Variants in RGS9 observed in about 807,000 individuals in gnomAD.
The protein encoded by RGS9 is regulator of G protein signaling 9, also known as regulator of G-protein signalling 9.
A neutral mutation model predicts 102.0 loss-of-function variants in RGS9; 78 were observed. That is an observed-to-expected ratio of 0.76 (90% CI 0.64 to 0.92). RGS9 has a LOEUF of 0.92. Among genes scored for constraint, RGS9 ranks in the 40% least tolerant of loss-of-function variants. The pLI is 0.00. For missense variants in RGS9, 833 were observed against 866.1 expected (o/e 0.96, Z 0.48); for synonymous variants, 353 against 318.6 (o/e 1.11, Z -1.15).
Position 65,199,421 on chromosome 17 carries a change from C to T in RGS9, c.976+2180C>T, listed in dbSNP as rs565168709. On this transcript the variant is annotated intron_variant, in intron 13 of 18. Transcript: ENST00000262406. Reference sequence around the variant, plus strand: ...AATCATGCAATATGTGACCTTTTGTCTTTTTTCACTTAGCATAATGTTTTC... The same window carrying T: ...AATCATGCAATATGTGACCTTTTGTTTTTTTTCACTTAGCATAATGTTTTC... 1.6e-4 allele frequency among the ~76,000 whole-genome samples: 24 copies of T among 146,866 alleles called. No homozygotes were observed. The South Asian group carries it at 3.7e-3, about 23-fold the overall frequency.
In RGS9 at chr17:65,224,865, G is replaced by T. The variant is rs1440234022; in HGVS notation, c.1408-137G>T. 2.5e-6 allele frequency: 3 copies of T among 1,199,712 alleles called. No individual in the cohort carries two copies. In the East Asian group the frequency reaches 7.0e-5, roughly 28 times the overall value. The allele number at this position is 1,199,712 out of a possible 1,614,324, so 74.3% of individuals were successfully genotyped here. On this transcript the variant is annotated intron_variant, in intron 17 of 18. Transcript: ENST00000262406. ...TAGGTAGCTTTGGACACCGTTCCCA[G>T]CTCCCTAGGAGGCAGCCATATCAGG... is the stretch of plus-strand genomic sequence containing the variant.
At chr17:65,162,805 A>T (rs1430137735) in intron 6 of RGS9, among the ~76,000 whole-genome samples, 1 of 152,152 alleles carries the variant, frequency 6.6e-6, no homozygotes, top group Non-Finnish European at 1.5e-5. Context: ...AAGAAAACCA[A>T]TAAAAGTGAG....
chr17:65,196,780 C>G (rs1936892363), intron 12 of RGS9, among the ~76,000 whole-genome samples: 1 of 152,208 alleles, frequency 6.6e-6, no homozygotes, highest in African/African-American at 2.4e-5. Flanking sequence ...CAGGTGGCAG[C>G]CTGACCCTCT....
At chr17:65,187,864 T>A (rs1035303727) in intron 9 of RGS9, among the ~76,000 whole-genome samples, 1 of 152,088 alleles carries the variant, frequency 6.6e-6, no homozygotes, top group African/African-American at 2.4e-5. Context: ...GGCGTGGTGG[T>A]GTGTGCCTGT....
chr17:65,204,229 G>A lies in RGS9; in HGVS notation c.1131G>A (p.Val377=). The change falls in exon 15 of 19, where the codon GTG becomes GTA. Residue 377 remains valine, a synonymous_variant. Coordinates refer to ENST00000262406, the MANE Select transcript of RGS9 (RefSeq NM_003835.4). ...NIDGKTMDIT[V]KGLKHPHRYV... ...ATGGCAAAACCATGGACATCACAGTGAAGGGGCTGAAGCACCCCCACCGCT... is the reference window on the plus strand; with the variant it reads ...ATGGCAAAACCATGGACATCACAGTAAAGGGGCTGAAGCACCCCCACCGCT... 1 of 1,613,492 alleles carries A rather than the reference G, an allele frequency of 6.2e-7. No individual in the cohort carries two copies. Among genetic ancestry groups the A allele is most frequent in the Non-Finnish European group, 8.5e-7 (1 of 1,180,052 alleles).
intron 6 of RGS9, among the ~76,000 whole-genome samples, chr17:65,162,752 A>C (rs1221261087): frequency 2.0e-5 from 3 of 151,852 alleles, no homozygotes; most frequent in African/African-American, 4.8e-5. Flanking sequence ...TACAGGTGTG[A>C]GCCACCACGC....
At chr17:65,186,898 G>A (rs1162972939) in intron 9 of RGS9, among the ~76,000 whole-genome samples, 3 of 152,206 alleles carry the variant, frequency 2.0e-5, no homozygotes, top group Non-Finnish European at 4.4e-5. Context: ...GCATAAACCA[G>A]TAGATGCTAT....
In RGS9 at chr17:65,160,888, G is replaced by C. The variant is rs267605003; in HGVS notation, c.402G>C (p.Gly134=). ...YLAKRNIKKK[G]ILEEYEKENY... The stretch of plus-strand genomic sequence containing the variant: ...CCAAGCGAAATATCAAAAAGAAAGG[G>C]ATTTTGGAAGAATATGAAAAGGTAT... The change falls in exon 6 of 19, where the codon GGG becomes GGC. Residue 134 remains glycine, a synonymous_variant. Coordinates refer to ENST00000262406, the MANE Select transcript of RGS9 (RefSeq NM_003835.4). The C allele has an allele frequency of 6.2e-7, 1 of 1,613,652 alleles. No individual in the cohort carries two copies. The highest frequency in any genetic ancestry group is 8.5e-7 in the Non-Finnish European group (1 of 1,179,636).
In RGS9 at chr17:65,153,439, G is replaced by A; in HGVS notation, c.75G>A (p.Lys25=). 1 of 1,614,114 alleles carries A rather than the reference G, an allele frequency of 6.2e-7. No individual in the cohort carries two copies. The highest frequency in any genetic ancestry group is 2.2e-5 in the East Asian group (1 of 44,892). Residue 25 remains lysine, a synonymous_variant, in exon 2 of 19, where the codon AAG becomes AAA. Coordinates refer to ENST00000262406, the MANE Select transcript of RGS9 (RefSeq NM_003835.4). ...TCTTGCAGATTGAAGCGCTCGTGAA[G>A]GACATGCAGAACCCAGAGACAGGGG... The part of the protein sequence containing the change: ...AFLQKIEALV[K]DMQNPETGVR...
chr17:65,225,234 C>T lies in RGS9; in HGVS notation c.1640C>T (p.Ala547Val). Reference protein sequence around the residue: ...EQKGECSGSMAPRGPSVTESS... With the variant: ...EQKGECSGSMVPRGPSVTESS... Reference sequence around the variant, plus strand: ...AAAGGGGAGTGCAGCGGGTCCATGGCCCCCCGTGGGCCCTCTGTCACCGAG... The same window carrying T: ...AAAGGGGAGTGCAGCGGGTCCATGGTCCCCCGTGGGCCCTCTGTCACCGAG... Residue 547 changes from alanine (A) to valine (V), a missense_variant, in exon 18 of 19, where the codon GCC becomes GTC. By Grantham distance (64) the Ala-to-Val change is moderately conservative (BLOSUM62 0). Around this residue, in one of 3 missense-constraint regions of RGS9, gnomAD observed 320 missense variants for 276.8 expected, o/e 1.16. Transcript: ENST00000262406. 1.2e-6 allele frequency: 2 copies of T among 1,611,062 alleles called. No individual in the cohort carries two copies. Among genetic ancestry groups the T allele is most frequent in the Non-Finnish European group, 1.7e-6 (2 of 1,179,974 alleles).
intron 16 of RGS9, among the ~76,000 whole-genome samples, chr17:65,208,249 G>A (rs1365429406): frequency 6.6e-6 from 1 of 152,178 alleles, no homozygotes; most frequent in Non-Finnish European, 1.5e-5. Context: ...GCTTGAAAGA[G>A]TTTAGAGGAT....
chr17:65,176,741 AT>A (rs1911640186), intron 8 of RGS9, among the ~76,000 whole-genome samples: 5 of 147,690 alleles, frequency 3.4e-5, no homozygotes, highest in African/African-American at 1.3e-4. Flanking sequence ...CCATCCATCC[AT>A]CCATCCATCC....
rs79123911 is a variant in RGS9 at position 65,164,493 on chromosome 17, C to T, written c.500+1404C>T. Among the ~76,000 whole-genome samples the T allele has an allele frequency of 5.0e-3, 769 of 152,300 alleles. 14 individuals are homozygous for T. The highest frequency in any genetic ancestry group is 0.047 in the East Asian group (243 of 5,176). ...CGATGATCCCCCCAGTCCAGCCTCA[C>T]TCGCTGTGACAGTCCCAGATCCAGG... is the stretch of plus-strand genomic sequence containing the variant. On this transcript the variant is annotated intron_variant, in intron 7 of 18. Coordinates refer to ENST00000262406, the MANE Select transcript of RGS9 (RefSeq NM_003835.4).
At chr17:65,182,157 G>T (rs1170761181) in intron 9 of RGS9, among the ~76,000 whole-genome samples, 1 of 152,196 alleles carries the variant, frequency 6.6e-6, no homozygotes, top group African/African-American at 2.4e-5. Context: ...CAGAAATATG[G>T]CCTCCCAGTA....
chr17:65,145,566 A>ATTTTT (rs1567858058), intron 1 of RGS9, among the ~76,000 whole-genome samples: 1 of 118,304 alleles, frequency 8.5e-6, no homozygotes, highest in African/African-American at 5.9e-5. Flanking sequence ...TTTTTTTTTA[A>ATTTTT]TATATTTTTA....
rs1912465365 is a variant in RGS9, at chr17:65,193,626, A to C, written c.830A>C (p.Asp277Ala). 1 of 1,613,548 alleles carries C rather than the reference A, an allele frequency of 6.2e-7. No homozygotes were observed. The highest frequency in any genetic ancestry group is 8.5e-7 in the Non-Finnish European group (1 of 1,179,548). The change falls in exon 12 of 19, where the codon GAC becomes GCC. Residue 277 changes from aspartate (D) to alanine (A), a missense_variant. Asp to Ala is a moderately radical substitution (Grantham distance 126). This residue lies in a region of RGS9 where 328 missense variants were observed against 340.6 expected (regional missense o/e 0.96). Transcript: ENST00000262406. ...CCCAGCAACCCCTGGATCACCGATG[A>C]CACCCAGTTCTGGGACTTAAATGCC... is the stretch of plus-strand genomic sequence containing the variant. ...CLPSNPWITD[D>A]TQFWDLNAKL...
At chr17:65,175,372 GGGCAACTCCTAGAACCCTTTTT>G (rs1406612099) in intron 8 of RGS9, among the ~76,000 whole-genome samples, 1 of 152,014 alleles carries the variant, frequency 6.6e-6, no homozygotes, top group Non-Finnish European at 1.5e-5. Context: ...CAGATTCAGG[GGGCAACTCCTAGAACCCTTTTT>G]GGCAAAGGCA....
intron 9 of RGS9, among the ~76,000 whole-genome samples, chr17:65,183,043 A>G (rs1196107488): frequency 9.0e-6 from 1 of 110,912 alleles, no homozygotes; most frequent in Non-Finnish European, 1.7e-5. Context: ...AGACAGCTGC[A>G]CCCCCTTAAT....
intron 1 of RGS9, among the ~76,000 whole-genome samples, chr17:65,152,909 A>T (rs1429159088): frequency 6.6e-6 from 1 of 152,138 alleles, no homozygotes. Context: ...AAACTTCTTC[A>T]CACTTCAGTG....
Sources: allele counts gnomAD v4.1 joint callset (sites outside exome capture counted in the v4.1 genomes callset), GRCh38; gene constraint gnomAD v4.1.1; regional missense constraint gnomAD v4.1.1; transcripts MANE v1.5; gene names NCBI Gene and HGNC (gene_info 2026-07-23, HGNC 2026-07-21).